The following COL6A3 variants were observed in gnomAD, a reference collection of about 807,000 sequenced individuals.
COL6A3 encodes collagen type VI alpha 3 chain, also known as collagen alpha-3(VI) chain.
In COL6A3, 137 loss-of-function variants were observed where a neutral mutation model predicts 274.1. The ratio of observed to expected loss-of-function variants is 0.50; its 90% CI spans 0.44 to 0.58. The LOEUF (loss-of-function observed/expected upper bound fraction) is 0.58. Ranked by LOEUF, COL6A3 falls within the 20% of genes least tolerant of loss-of-function variation. The pLI is 0.00. For missense variants in COL6A3, 3,950 were observed against 4,124.9 expected, an observed-to-expected ratio of 0.96 and a Z score of 1.16; for synonymous variants, 1,650 against 1,650.6, an observed-to-expected ratio of 1.00 and a Z score of 0.01.
intron 1 of COL6A3, among the ~76,000 whole-genome samples, chr2:237,398,117 G>T (rs1379902278): frequency 6.6e-6 from 1 of 152,180 alleles, no homozygotes; most frequent in Non-Finnish European, 1.5e-5. Flanking sequence ...CAGCAGCTGG[G>T]ACCATGTCAA....
At chr2:237,342,778 A>G (rs1406647852) in intron 36 of COL6A3, 1 of 156,934 alleles carries the variant, frequency 6.4e-6, no homozygotes, top group African/African-American at 2.4e-5. Context: ...CTCAGCCCAC[A>G]CAAGGACAGA....
At position 237,407,841 on chromosome 2, in the gene COL6A3, G is replaced by T. The variant is rs1260353516; in HGVS notation, c.-31+6112C>A. Among the ~76,000 whole-genome samples the T allele has an allele frequency of 2.0e-5, 3 of 152,226 alleles. No individual in the cohort carries two copies. Among genetic ancestry groups the T allele is most frequent in the Admixed American group, 1.3e-4 (2 of 15,286 alleles). On this transcript the variant is annotated intron_variant, in intron 1 of 43. Coordinates refer to ENST00000295550, the MANE Select transcript of COL6A3 (RefSeq NM_004369.4). The surrounding 1 kb of genome is among the most constrained non-coding windows in gnomAD (Gnocchi z 4.3). Reference sequence around the variant, plus strand: ...AATTATAAACATCAGGCAGAGACTAGTTCCATTTCAACATTAAAGAAGAAA... The same window carrying T: ...AATTATAAACATCAGGCAGAGACTATTTCCATTTCAACATTAAAGAAGAAA...
intron 7 of COL6A3, among the ~76,000 whole-genome samples, chr2:237,376,249 G>A (rs2077836522): frequency 6.6e-6 from 1 of 152,176 alleles, no homozygotes. Context: ...TAAATTAAAG[G>A]GGTTAAATGA....
chr2:237,360,207 C>A (rs753803074), intron 16 of COL6A3, 48 bp from the exon 17 acceptor site: 10 of 1,572,470 alleles, frequency 6.4e-6, no homozygotes, highest in South Asian at 2.2e-5. Flanking sequence ...CCTTCATCAC[C>A]CTTTCTCTGC....
rs886043113 is a variant in COL6A3, at chr2:237,347,812, G to A, written c.7024C>T (p.Arg2342Ter). ...GTTGPKGIRG[R>*]RGNSGPPGIV... Reference sequence around the variant, plus strand: ...CAAGGCCCACGCAAACTTACCCTTCGGCCTCTGATGCCTTTGGGTCCTGTT... The same window carrying A: ...CAAGGCCCACGCAAACTTACCCTTCAGCCTCTGATGCCTTTGGGTCCTGTT... Residue 2342 changes from arginine to a stop codon, truncating the protein, a stop_gained, in exon 31 of 44, where the codon CGA (arginine) becomes TGA (stop). Coordinates refer to ENST00000295550, the MANE Select transcript of COL6A3 (RefSeq NM_004369.4). LOFTEE classifies it high-confidence loss of function. The A allele has an allele frequency of 3.7e-6, 6 of 1,610,308 alleles. No homozygotes were observed. The highest frequency in any genetic ancestry group is 1.7e-5 in the Admixed American group (1 of 59,582).
chr2:237,355,729 C>T (rs2077303356), intron 23 of COL6A3: 1 of 152,198 alleles, frequency 6.6e-6, no homozygotes, highest in Admixed American at 6.5e-5. Context: ...CTCTCCACTT[C>T]CAATGGACCA....
Position 237,344,194 on chromosome 2 carries a change from G to C in COL6A3, c.7668+156C>G. On this transcript the variant is annotated intron_variant, in intron 36 of 43. Transcript: ENST00000295550. This position sits in a 1 kb window ranked among gnomAD's most constrained non-coding sequence, Gnocchi z 4.8. ...GTGCTGGAGCCACGAGGTTGTCCTG[G>C]AGACCTCACAAGAGAAGTTCTCAGG... 2 of 1,120,042 alleles carry C rather than the reference G, an allele frequency of 1.8e-6. No homozygotes were observed. The allele number at this position is 1,120,042 out of a possible 1,614,324, so 69.4% of individuals were successfully genotyped here.
chr2:237,391,882 A>G (rs1176992517), intron 3 of COL6A3, among the ~76,000 whole-genome samples: 1 of 152,198 alleles, frequency 6.6e-6, no homozygotes, highest in Non-Finnish European at 1.5e-5. Flanking sequence ...CAGGGAATTA[A>G]TGATACTGAG....
intron 23 of COL6A3, chr2:237,355,230 T>G (rs956001643): frequency 4.8e-6 from 2 of 418,942 alleles, no homozygotes; most frequent in African/African-American, 4.0e-5. Context: ...AAATAATGAC[T>G]CCTTTTGGCT....
At chr2:237,340,024 G>C (rs1050795081) in intron 38 of COL6A3, among the ~76,000 whole-genome samples, 2 of 152,196 alleles carry the variant, frequency 1.3e-5, no homozygotes, top group African/African-American at 4.8e-5. Context: ...CCAAGCACGG[G>C]GCTGGTGGCT....
At chr2:237,359,958 A>G (rs1190532034) in intron 17 of COL6A3, 130 bp downstream of exon 17, 2 of 913,750 alleles carry the variant, frequency 2.2e-6, no homozygotes, top group African/African-American at 1.6e-5. Flanking sequence ...CCTTCCAATG[A>G]GAGGTCACGG....
At position 237,340,975 on chromosome 2, in the gene COL6A3, T is replaced by C; in HGVS notation, c.7941A>G (p.Arg2647=). 6.2e-7 allele frequency: 1 copy of C among 1,614,190 alleles called. No individual in the cohort carries two copies. The highest frequency in any genetic ancestry group is 1.1e-5 in the South Asian group (1 of 91,082). Residue 2647 remains arginine (R), a synonymous_variant, in exon 38 of 44, where the codon AGA becomes AGG. Transcript: ENST00000295550. ...EMKKYIAYLV[R]QLDMSPDPKA... ...TGGGATCTGGGCTCATGTCCAGTTG[T>C]CTGACCAGGTACGCTATGTACTTCT...
Position 237,394,847 on chromosome 2 carries a change from G to C in COL6A3, c.449C>G (p.Thr150Ser), listed in dbSNP as rs1215179570. 6.2e-7 allele frequency: 1 copy of C among 1,613,828 alleles called. No individual in the cohort carries two copies. The highest frequency in any genetic ancestry group is 8.5e-7 in the Non-Finnish European group (1 of 1,179,844). Residue 150 changes from threonine to serine, a missense_variant, in exon 3 of 44, where the codon ACT (threonine) becomes AGT (serine). Thr to Ser is a moderately conservative substitution (Grantham distance 58). Transcript: ENST00000295550. ...DGVPQVIVVL[T>S]DGHSKDGLAL... ...AAGGCCATCCTTCGAGTGTCCATCA[G>C]TTAACACTACGATAACCTGAGGGAC...
intron 4 of COL6A3, 131 bp from the exon 5 acceptor site, chr2:237,381,630 C>G (rs2078009165): frequency 1.3e-6 from 1 of 773,678 alleles, no homozygotes; most frequent in African/African-American, 1.7e-5. Flanking sequence ...CAGGGCCACC[C>G]CAAAGGGAAT....
In COL6A3 at chr2:237,374,410, A is replaced by G; in HGVS notation, c.3679+2T>C. 1 of 1,612,218 alleles carries G rather than the reference A, an allele frequency of 6.2e-7. No homozygotes were observed. On this transcript the variant is annotated splice_donor_variant, in intron 8 of 43. Transcript: ENST00000295550. LOFTEE classifies it high-confidence loss of function. This position sits in a 1 kb window ranked among gnomAD's most constrained non-coding sequence, Gnocchi z 4.8. ...TGAGGATGCAAAGAGTTCCCTGCGT[A>G]CCTGGGCTCGGTAGAGGCTGCAACA...
chr2:237,409,333 A>T (rs1329088368), intron 1 of COL6A3, among the ~76,000 whole-genome samples: 3 of 152,048 alleles, frequency 2.0e-5, no homozygotes, highest in African/African-American at 7.2e-5. Context: ...TTTAGGGTAC[A>T]TGTGCACAAC....
chr2:237,326,047 G>A (rs920498976), intron 42 of COL6A3: 5 of 204,274 alleles, frequency 2.4e-5, no homozygotes, highest in African/African-American at 9.3e-5. Context: ...CCAATCACTG[G>A]GCCATTTGCC....
At chr2:237,330,519 C>T (rs891724135) in intron 42 of COL6A3, among the ~76,000 whole-genome samples, 8 of 152,092 alleles carry the variant, frequency 5.3e-5, no homozygotes, top group Admixed American at 1.3e-4. Flanking sequence ...AAATATTAAC[C>T]ACTGAAAATC....
rs1198810696 is a variant in COL6A3, at chr2:237,340,580, T to C, written c.8336A>G (p.Asn2779Ser). The C allele has an allele frequency of 2.5e-6, 4 of 1,614,094 alleles. No individual in the cohort carries two copies. In the Admixed American group the frequency reaches 6.7e-5, roughly 27 times the overall value. Reference sequence around the variant, plus strand: ...GGCGAAGGTGTATACCTCCTTGATGTTCACCTTCCTGCCAATGCCCAGGAC... The same window carrying C: ...GGCGAAGGTGTATACCTCCTTGATGCTCACCTTCCTGCCAATGCCCAGGAC... ...FVVLGIGRKV[N>S]IKEVYTFASE... The change falls in exon 38 of 44, where the codon AAC becomes AGC. Residue 2779 changes from asparagine to serine, a missense_variant. Physicochemically the swap from Asn to Ser is conservative, Grantham distance 46. Transcript: ENST00000295550.
Sources: gnomAD v4.1 joint callset for allele counts (sites outside exome capture counted in the v4.1 genomes callset) on GRCh38, gnomAD v4.1.1 for gene constraint, Gnocchi (gnomAD v3.1) non-coding constraint, MANE v1.5 for transcripts, NCBI Gene and HGNC (gene_info 2026-07-23, HGNC 2026-07-21) for gene names.